Variants in DTD1 observed in about 807,000 individuals in gnomAD.
DTD1 encodes D-aminoacyl-tRNA deacylase 1, also known as D-tyrosyl-tRNA deacylase 1 homolog.
Under a neutral mutation model 25.6 loss-of-function variants are expected in DTD1, and 13 were observed. That is an observed-to-expected ratio of 0.51 (90% CI 0.33 to 0.81). The LOEUF (loss-of-function observed/expected upper bound fraction) is 0.81. DTD1 is among the 30% of genes least tolerant of loss of function. DTD1 has a pLI of 0.02. For synonymous variants in DTD1, 110 were observed against 103.6 expected (o/e 1.06, Z -0.37); for missense variants, 193 against 266.4 (o/e 0.72, Z 1.92).
At chr20:18,752,520 A>G (rs6075414) in intron 5 of DTD1, among the ~76,000 whole-genome samples, 21,503 of 151,980 alleles carry the variant, frequency 0.14, 1,846 homozygotes, top group Non-Finnish European at 0.19. Context: ...TCTGATTTCT[A>G]TTATTTCCTT....
chr20:18,597,997 G>T (rs371780006), intron 3 of DTD1, among the ~76,000 whole-genome samples: 1 of 150,224 alleles, frequency 6.7e-6, no homozygotes, highest in Non-Finnish European at 1.5e-5. Context: ...GTCTTTTTTT[G>T]TAAAAAAATT....
At chr20:18,588,194 G>A in intron 1 of DTD1, 79 bp downstream of exon 1, 1 of 1,179,764 alleles carries the variant, frequency 8.5e-7, no homozygotes, top group Non-Finnish European at 1.1e-6. Context: ...GGGTCTTCCT[G>A]CGCCATCCTT....
intron 5 of DTD1, among the ~76,000 whole-genome samples, chr20:18,759,854 C>T (rs1044755259): frequency 6.6e-6 from 1 of 152,182 alleles, no homozygotes; most frequent in Non-Finnish European, 1.5e-5. Flanking sequence ...CCATTCTCCC[C>T]GTCACTTTCA....
At chr20:18,631,936 A>G in intron 4 of DTD1, 5 of 975,616 alleles carry the variant, frequency 5.1e-6, no homozygotes, top group Non-Finnish European at 6.1e-6. Context: ...GGGTACAAAG[A>G]TGCAGTTATT....
chr20:18,727,642 G>A (rs1007313819), intron 4 of DTD1, among the ~76,000 whole-genome samples: 3 of 152,152 alleles, frequency 2.0e-5, no homozygotes, highest in African/African-American at 7.2e-5. Context: ...CCATCACCAT[G>A]AGAAGACCCC....
At chr20:18,637,235 A>G (rs932134450) in intron 4 of DTD1, among the ~76,000 whole-genome samples, 5 of 152,174 alleles carry the variant, frequency 3.3e-5, no homozygotes, top group African/African-American at 1.2e-4. Context: ...GTCACATGTG[A>G]GTCTGTTCTT....
intron 3 of DTD1, among the ~76,000 whole-genome samples, chr20:18,601,586 C>A (rs1359065952): frequency 1.3e-5 from 2 of 151,602 alleles, no homozygotes; most frequent in Non-Finnish European, 2.9e-5. Flanking sequence ...TGAGAACCGG[C>A]AGACTGCCTC....
At chr20:18,756,108 T>C (rs1229838107) in intron 5 of DTD1, among the ~76,000 whole-genome samples, 2 of 152,202 alleles carry the variant, frequency 1.3e-5, no homozygotes, top group African/African-American at 2.4e-5. Flanking sequence ...GCCCACTTTT[T>C]GATGGGGTTG....
chr20:18,594,248 C>G (rs1808256571), intron 2 of DTD1, among the ~76,000 whole-genome samples: 1 of 152,136 alleles, frequency 6.6e-6, no homozygotes, highest in South Asian at 2.1e-4. Context: ...AGATCATGCA[C>G]ACACACTTAG....
intron 3 of DTD1, among the ~76,000 whole-genome samples, chr20:18,612,750 C>T (rs2060692789): frequency 6.6e-6 from 1 of 152,012 alleles, no homozygotes; most frequent in Non-Finnish European, 1.5e-5. Context: ...CCTCCTCCTC[C>T]CAGGTTCAAG....
chr20:18,728,124 C>T (rs748850129), intron 4 of DTD1, among the ~76,000 whole-genome samples: 31 of 152,212 alleles, frequency 2.0e-4, no homozygotes, highest in Non-Finnish European at 4.1e-4. Context: ...TGGAGACTGT[C>T]AGCCCCTCCT....
At chr20:18,707,335 C>A (rs1308895022) in intron 4 of DTD1, among the ~76,000 whole-genome samples, 1 of 152,208 alleles carries the variant, frequency 6.6e-6, no homozygotes, top group Non-Finnish European at 1.5e-5. Context: ...TAAAGCCACA[C>A]ACACAGTTGT....
chr20:18,679,414 A>C (rs1006801829), intron 4 of DTD1, among the ~76,000 whole-genome samples: 1 of 152,240 alleles, frequency 6.6e-6, no homozygotes, highest in African/African-American at 2.4e-5. Flanking sequence ...TTAATTTGCC[A>C]CTAGTGTCTT....
chr20:18,593,634 G>C (rs540640324), intron 1 of DTD1, 97 bp from the exon 2 acceptor site: 1 of 804,138 alleles, frequency 1.2e-6, no homozygotes, highest in East Asian at 2.7e-5. Flanking sequence ...GTTATAAGAA[G>C]TATGTATGAT....
At chr20:18,660,175 C>T (rs569011746) in intron 4 of DTD1, among the ~76,000 whole-genome samples, 5 of 152,232 alleles carry the variant, frequency 3.3e-5, no homozygotes, top group Non-Finnish European at 5.9e-5. Context: ...CCACTGCACT[C>T]CAGCCTGGGA....
At chr20:18,628,707 A>T (rs545827813) in intron 4 of DTD1, among the ~76,000 whole-genome samples, 2 of 152,350 alleles carry the variant, frequency 1.3e-5, no homozygotes, top group Non-Finnish European at 1.5e-5. Context: ...GTAAGCTCTC[A>T]TGAAATAAAA....
chr20:18,657,296 A>G (rs1046970106), intron 4 of DTD1, among the ~76,000 whole-genome samples: 1 of 152,298 alleles, frequency 6.6e-6, no homozygotes, highest in South Asian at 2.1e-4. Flanking sequence ...ATGCATTACT[A>G]TTTTTGCATT....
intron 3 of DTD1, among the ~76,000 whole-genome samples, chr20:18,611,795 G>A (rs1267000378): frequency 1.3e-5 from 2 of 152,098 alleles, no homozygotes; most frequent in African/African-American, 4.8e-5. Context: ...GTATACAGTG[G>A]AACCCTGGAG....
Position 18,764,093 on chromosome 20 carries a change from G to A in DTD1, c.*753G>A, listed in dbSNP as rs2061373074. ...CCTGTCTAGCCAGTTTACAATTGAT[G>A]ACATGGTACTTGGAAGTGAGATGTC... On this transcript the variant is annotated 3_prime_UTR_variant, in exon 6 of 6. Coordinates refer to ENST00000377452, the MANE Select transcript of DTD1 (RefSeq NM_080820.6). 6.6e-6 allele frequency: 1 copy of A among 152,148 alleles called. No individual in the cohort carries two copies. Among genetic ancestry groups the A allele is most frequent in the Non-Finnish European group, 1.5e-5 (1 of 68,036 alleles). 9.4% of individuals were successfully genotyped at this position (152,148 alleles called of 1,614,324 possible).
Sources: gnomAD v4.1 joint callset for allele counts (sites outside exome capture counted in the v4.1 genomes callset) on GRCh38, gnomAD v4.1.1 for gene constraint, MANE v1.5 for transcripts, NCBI Gene and HGNC (gene_info 2026-07-23, HGNC 2026-07-21) for gene names.